Variants in RHOA observed in about 807,000 individuals in gnomAD.
RHOA encodes the protein transforming protein RhoA.
Under a neutral mutation model 17.5 loss-of-function variants are expected in RHOA, and 3 were observed. The ratio of observed to expected loss-of-function variants is 0.17; its 90% confidence interval spans 0.08 to 0.44. The LOEUF (loss-of-function observed/expected upper bound fraction) is 0.44, where lower values mean the gene tolerates loss of function less well. Among genes scored for constraint, RHOA ranks in the 20% least tolerant of loss-of-function variants. RHOA has a pLI of 0.99. For synonymous variants in RHOA, 98 were observed against 88.4 expected, an observed-to-expected ratio of 1.11 and a Z score of -0.61; for missense variants, 56 against 242.3, an observed-to-expected ratio of 0.23 and a Z score of 5.10.
At chr3:49,383,523 T>G (rs1053659887) in intron 1 of RHOA, among the ~76,000 whole-genome samples, 7 of 152,174 alleles carry the variant, frequency 4.6e-5, no homozygotes, top group African/African-American at 1.7e-4. Flanking sequence ...TTGAAAAGTT[T>G]CCTTATAGAT....
At chr3:49,367,090 C>G (rs1464597185) in intron 3 of RHOA, 1 of 152,098 alleles carries the variant, frequency 6.6e-6, no homozygotes, top group Non-Finnish European at 1.5e-5. Flanking sequence ...CGCCTGTAAT[C>G]CCAGCACTTT....
intron 4 of RHOA, among the ~76,000 whole-genome samples, chr3:49,361,870 T>C (rs2047977385): frequency 2.1e-5 from 3 of 141,138 alleles, no homozygotes; most frequent in African/African-American, 2.7e-5. Flanking sequence ...AAAGCAAAAC[T>C]GTGTCTCAAA....
intron 1 of RHOA, among the ~76,000 whole-genome samples, chr3:49,381,901 T>TA (rs2048324059): frequency 6.6e-6 from 1 of 150,712 alleles, no homozygotes; most frequent in Non-Finnish European, 1.5e-5. Flanking sequence ...GTTCCCCAGT[T>TA]AGAGTCAAGT....
At chr3:49,410,243 GTCT>G (rs914158346) in intron 1 of RHOA, among the ~76,000 whole-genome samples, 1 of 152,128 alleles carries the variant, frequency 6.6e-6, no homozygotes, top group Non-Finnish European at 1.5e-5. Flanking sequence ...GACAGTTCTG[GTCT>G]GCTCCTGACT....
intron 2 of RHOA, 21 bp from the exon 3 acceptor site, chr3:49,368,569 A>G (rs1480062550): frequency 1.2e-6 from 2 of 1,613,902 alleles, no homozygotes; most frequent in Non-Finnish European, 1.7e-6. Context: ...AAAAACAACC[A>G]CAAGAGTGCA....
At chr3:49,377,090 T>G (rs547369279) in intron 1 of RHOA, among the ~76,000 whole-genome samples, 1 of 152,126 alleles carries the variant, frequency 6.6e-6, no homozygotes. Flanking sequence ...ATCATGCCAT[T>G]GCACTCCAGC....
At chr3:49,380,990 C>T (rs1197304801) in intron 1 of RHOA, among the ~76,000 whole-genome samples, 1 of 150,894 alleles carries the variant, frequency 6.6e-6, no homozygotes, top group African/African-American at 2.4e-5. Flanking sequence ...TCTACAAAAT[C>T]TAGTAACTTT....
At chr3:49,383,141 T>C (rs1261249842) in intron 1 of RHOA, among the ~76,000 whole-genome samples, 3 of 151,946 alleles carry the variant, frequency 2.0e-5, no homozygotes, top group Admixed American at 2.0e-4. Flanking sequence ...TCTTGAGAAA[T>C]AATCTCTTTC....
At chr3:49,361,791 G>C (rs971880932) in intron 4 of RHOA, among the ~76,000 whole-genome samples, 2 of 152,144 alleles carry the variant, frequency 1.3e-5, no homozygotes, top group Non-Finnish European at 2.9e-5. Flanking sequence ...TGAGGCAGGA[G>C]AATCACTTAA....
chr3:49,393,591 C>G (rs892078998), intron 1 of RHOA, among the ~76,000 whole-genome samples: 2 of 132,408 alleles, frequency 1.5e-5, no homozygotes, highest in African/African-American at 5.7e-5. Flanking sequence ...GGCCACTGCA[C>G]TGGCTTTTTT....
At chr3:49,405,257 CAAAAAAAAAAAAAA>C (rs56912055) in intron 1 of RHOA, among the ~76,000 whole-genome samples, 2 of 110,010 alleles carry the variant, frequency 1.8e-5, no homozygotes. Context: ...GACTGTGTCT[CAAAAAAAAAAAAAA>C]AAAAAAAAAA....
At chr3:49,377,947 G>A (rs1464251280) in intron 1 of RHOA, among the ~76,000 whole-genome samples, 1 of 151,750 alleles carries the variant, frequency 6.6e-6, no homozygotes, top group Non-Finnish European at 1.5e-5. Flanking sequence ...TCAGGAGTTC[G>A]AGACCAGCCT....
intron 1 of RHOA, among the ~76,000 whole-genome samples, chr3:49,404,457 C>CACACACACACACACACACACAAAA (rs1447646944): frequency 6.8e-6 from 1 of 146,876 alleles, no homozygotes; most frequent in African/African-American, 2.5e-5. Context: ...CACACACACA[C>CACACACACACACACACACACAAAA]AAAATTAGCC....
chr3:49,407,358 T>C (rs991806075), intron 1 of RHOA, among the ~76,000 whole-genome samples: 2 of 145,132 alleles, frequency 1.4e-5, no homozygotes, highest in African/African-American at 5.0e-5. Flanking sequence ...CTCAGCCTCC[T>C]GAATAGCCGG....
At chr3:49,398,839 CAAAAAAAAAAAAAA>C (rs71080506) in intron 1 of RHOA, among the ~76,000 whole-genome samples, 23 of 35,662 alleles carry the variant, frequency 6.4e-4, no homozygotes, top group Middle Eastern at 0.036. Flanking sequence ...GACTCCGTCT[CAAAAAAAAAAAAAA>C]AAAAAAAAAA....
intron 1 of RHOA, among the ~76,000 whole-genome samples, chr3:49,381,950 C>A (rs1334244421): frequency 6.6e-6 from 1 of 151,898 alleles, no homozygotes; most frequent in Non-Finnish European, 1.5e-5. Context: ...ACTCAGGAGG[C>A]TGAGGTGGGA....
In RHOA at chr3:49,360,093, TG is replaced by T. The variant is rs1292105087; in HGVS notation, c.*115del. The T allele has an allele frequency of 5.1e-6, 6 of 1,183,296 alleles. No individual in the cohort carries two copies. Among genetic ancestry groups the T allele is most frequent in the Non-Finnish European group, 7.1e-6 (6 of 846,318 alleles). 73.3% of individuals were successfully genotyped at this position (1,183,296 alleles called of 1,614,324 possible). A position where few individuals can be genotyped will look rare whatever the true frequency, so the allele number is the denominator to read the frequency against. On this transcript the variant is annotated 3_prime_UTR_variant, in exon 5 of 5. Coordinates refer to ENST00000418115, the MANE Select transcript of RHOA (RefSeq NM_001664.4). ...TAAATACTGGTAGCAAGATGACTTC[TG>T]ATTTGTAATCTTAGGTAAATTATAG... is the stretch of plus-strand genomic sequence containing the variant.
chr3:49,374,035 G>C (rs2048186140), intron 2 of RHOA, among the ~76,000 whole-genome samples: 2 of 152,136 alleles, frequency 1.3e-5, no homozygotes, highest in Admixed American at 6.6e-5. Context: ...AACTGTGGCA[G>C]GCTATTTTAT....
At chr3:49,376,397 A>C (rs1559502227) in intron 1 of RHOA, among the ~76,000 whole-genome samples, 2 of 151,812 alleles carry the variant, frequency 1.3e-5, no homozygotes, top group East Asian at 3.9e-4. Context: ...TAATCCCAGC[A>C]CTTTGGGAGG....
Sources: allele counts gnomAD v4.1 joint callset (sites outside exome capture counted in the v4.1 genomes callset), GRCh38; gene constraint gnomAD v4.1.1; transcripts MANE v1.5; gene names NCBI Gene and HGNC (gene_info 2026-07-23, HGNC 2026-07-21).